The following CDH8 variants were observed in gnomAD, a reference collection of about 807,000 sequenced individuals.
CDH8 encodes cadherin 8, also known as cadherin-8.
CDH8 carries 17 observed loss-of-function variants against 68.1 expected under a neutral mutation model. The ratio of observed to expected loss-of-function variants is 0.25; its 90% CI spans 0.17 to 0.37. The LOEUF (loss-of-function observed/expected upper bound fraction) is 0.37. CDH8 is among the 10% of genes least tolerant of loss of function. CDH8 has a pLI of 1.00. For synonymous variants in CDH8, 372 were observed against 365.1 expected, an observed-to-expected ratio of 1.02 and a Z score of -0.21; for missense variants, 763 against 999.3, an observed-to-expected ratio of 0.76 and a Z score of 3.19.
chr16:61,893,415 AGTGTGTGT>A (rs139637026), intron 3 of CDH8, among the ~76,000 whole-genome samples: 4,035 of 145,722 alleles, frequency 0.028, 169 homozygotes, highest in African/African-American at 0.095. Flanking sequence ...TGTGTGTGTG[AGTGTGTGT>A]GTGTGTGTGT....
chr16:61,727,488 A>G (rs1959409095), intron 8 of CDH8, among the ~76,000 whole-genome samples: 1 of 151,126 alleles, frequency 6.6e-6, no homozygotes, highest in South Asian at 2.1e-4. Flanking sequence ...TTGATAAAGC[A>G]AGCTTTATTT....
intron 3 of CDH8, among the ~76,000 whole-genome samples, chr16:61,896,129 C>T (rs745429374): frequency 1.4e-4 from 22 of 152,096 alleles, no homozygotes; most frequent in Non-Finnish European, 8.8e-5. Context: ...AAGGTAGGGA[C>T]ATTTGCATTG....
intron 2 of CDH8, among the ~76,000 whole-genome samples, chr16:61,959,862 T>C (rs978312625): frequency 4.1e-5 from 6 of 148,076 alleles, no homozygotes; most frequent in Admixed American, 1.4e-4. Context: ...TATGTATATA[T>C]GTGTGCATAT....
chr16:61,873,405 A>T (rs547454224), intron 3 of CDH8, among the ~76,000 whole-genome samples: 1 of 152,278 alleles, frequency 6.6e-6, no homozygotes, highest in East Asian at 1.9e-4. Context: ...AAGCTGGTTC[A>T]ACATAAGGAT....
intron 4 of CDH8, among the ~76,000 whole-genome samples, chr16:61,849,800 A>C (rs919774112): frequency 1.3e-5 from 2 of 152,130 alleles, no homozygotes; most frequent in African/African-American, 4.8e-5. Context: ...TTTTCTACCT[A>C]CCAACAATGC....
chr16:61,952,014 A>G (rs147906428), intron 2 of CDH8, among the ~76,000 whole-genome samples: 4 of 152,190 alleles, frequency 2.6e-5, no homozygotes, highest in Non-Finnish European at 5.9e-5. Flanking sequence ...AAGTTACTGA[A>G]TATTATCGAA....
chr16:61,821,431 A>AT (rs1335977248), intron 5 of CDH8, among the ~76,000 whole-genome samples: 1 of 151,934 alleles, frequency 6.6e-6, no homozygotes, highest in Non-Finnish European at 1.5e-5. Flanking sequence ...CTATGTGTAT[A>AT]TTTTTTCCTT....
intron 2 of CDH8, among the ~76,000 whole-genome samples, chr16:61,907,623 A>G (rs8049729): frequency 0.54 from 81,616 of 151,314 alleles, 24,420 homozygotes; most frequent in African/African-American, 0.82. Context: ...AGGCTGCAGT[A>G]AGCCATGATT....
chr16:61,709,747 C>T (rs1337254342), intron 10 of CDH8, among the ~76,000 whole-genome samples: 1 of 151,896 alleles, frequency 6.6e-6, no homozygotes, highest in African/African-American at 2.4e-5. Flanking sequence ...AAAAAAAAGT[C>T]ATCATATTCA....
intron 3 of CDH8, among the ~76,000 whole-genome samples, chr16:61,897,240 C>G (rs977122439): frequency 6.6e-6 from 1 of 151,840 alleles, no homozygotes; most frequent in Non-Finnish European, 1.5e-5. Flanking sequence ...CATAAAGGCA[C>G]TTCATTACGT....
At chr16:61,847,521 G>A (rs1204134747) in intron 4 of CDH8, among the ~76,000 whole-genome samples, 1 of 139,480 alleles carries the variant, frequency 7.2e-6, no homozygotes, top group Non-Finnish European at 1.5e-5. Context: ...ACCCCCTTCT[G>A]TAAGCTTCCA....
Position 61,831,864 on chromosome 16 carries a change from C to T in CDH8, c.668-6685G>A, listed in dbSNP as rs538153710. Among the ~76,000 whole-genome samples the T allele has an allele frequency of 1.5e-3, 229 of 151,916 alleles. 1 individual carries two copies. Among genetic ancestry groups the T allele is most frequent in the African/African-American group, 5.4e-3 (226 of 41,500 alleles). On this transcript the variant is annotated intron_variant, in intron 4 of 11. Transcript: ENST00000577390. ...TCTTTTGAATAAGACTTGTTGAACA[C>T]ATTATCCTGGTTATGAAACCACTAG...
Position 61,647,581 on chromosome 16 carries a change from A to C in CDH8, c.*6027T>G, listed in dbSNP as rs1963232437. 4 of 527,384 alleles carry C rather than the reference A, an allele frequency of 7.6e-6. No individual in the cohort carries two copies. The allele number at this position is 527,384 out of a possible 1,614,324, so 32.7% of individuals were successfully genotyped here. On this transcript the variant is annotated 3_prime_UTR_variant, in exon 12 of 12. Coordinates refer to ENST00000577390, the MANE Select transcript of CDH8 (RefSeq NM_001796.5). ...CATAGGATGGCCTGAAGTTCTTTGC[A>C]TGTACAGAAGAAATCCCAAGAAATT...
intron 10 of CDH8, among the ~76,000 whole-genome samples, chr16:61,664,812 C>T (rs917425826): frequency 6.6e-6 from 1 of 151,916 alleles, no homozygotes; most frequent in Non-Finnish European, 1.5e-5. Flanking sequence ...TATATTAGTC[C>T]TATATTCAGA....
At chr16:61,772,831 C>A (rs1960811929) in intron 8 of CDH8, among the ~76,000 whole-genome samples, 1 of 151,916 alleles carries the variant, frequency 6.6e-6, no homozygotes, top group African/African-American at 2.4e-5. Flanking sequence ...TTTAACAAGC[C>A]CTCCAGGTGA....
chr16:61,958,260 T>C (rs1567544497), intron 2 of CDH8, among the ~76,000 whole-genome samples: 1 of 152,258 alleles, frequency 6.6e-6, no homozygotes, highest in Admixed American at 6.5e-5. Flanking sequence ...AAAAGAATGC[T>C]TGGAAGTGCT....
intron 7 of CDH8, among the ~76,000 whole-genome samples, chr16:61,791,376 G>C (rs530500731): frequency 6.6e-6 from 1 of 151,952 alleles, no homozygotes; most frequent in Non-Finnish European, 1.5e-5. Flanking sequence ...AATAATGATG[G>C]CTGATTCAAC....
chr16:61,883,967 T>G (rs1024809867), intron 3 of CDH8, among the ~76,000 whole-genome samples: 1 of 151,792 alleles, frequency 6.6e-6, no homozygotes, highest in African/African-American at 2.4e-5. Flanking sequence ...GGTTTTTTTT[T>G]AAATAAATGT....
intron 2 of CDH8, among the ~76,000 whole-genome samples, chr16:61,953,822 T>C (rs1964933326): frequency 6.7e-6 from 1 of 149,288 alleles, no homozygotes; most frequent in African/African-American, 2.5e-5. Flanking sequence ...TGAACTGGGA[T>C]TGTGGGATTG....
Sources: allele counts gnomAD v4.1 joint callset (sites outside exome capture counted in the v4.1 genomes callset), GRCh38; gene constraint gnomAD v4.1.1; transcripts MANE v1.5; gene names NCBI Gene and HGNC (gene_info 2026-07-23, HGNC 2026-07-21).